The following ACTL6B variants were observed in gnomAD, a reference collection of about 807,000 sequenced individuals.
ACTL6B encodes the protein actin like 6B.
A neutral mutation model predicts 63.3 loss-of-function variants in ACTL6B; 48 were observed. The ratio of observed to expected loss-of-function variants is 0.76; its 90% confidence interval spans 0.60 to 0.96. The LOEUF is 0.96. ACTL6B is among the 50% of genes least tolerant of loss of function. The probability of loss-of-function intolerance (pLI) is 0.00; values close to 1 mark genes in which losing one functional copy is unlikely to be tolerated. For missense variants in ACTL6B, 350 were observed against 572.2 expected, an observed-to-expected ratio of 0.61 and a Z score of 3.96; for synonymous variants, 230 against 223.8, an observed-to-expected ratio of 1.03 and a Z score of -0.25.
intron 4 of ACTL6B, among the ~76,000 whole-genome samples, chr7:100,654,431 C>CAATAATAAT (rs1562850776): frequency 1.1e-4 from 11 of 103,348 alleles, no homozygotes; most frequent in African/African-American, 2.8e-4. Context: ...CCAAAGTTGA[C>CAATAATAAT]CATAATAATA....
intron 13 of ACTL6B, among the ~76,000 whole-genome samples, chr7:100,644,518 G>A (rs897592639): frequency 6.6e-6 from 1 of 152,146 alleles, no homozygotes; most frequent in East Asian, 1.9e-4. Flanking sequence ...CAGTGGCACA[G>A]CTCACTGCAG....
In ACTL6B at chr7:100,647,965, T is replaced by TC. The variant is rs1219819275; in HGVS notation, c.670-433_670-432insG. On this transcript the variant is annotated intron_variant, in intron 7 of 13. Transcript: ENST00000160382. The surrounding 1 kb of genome is among the most constrained non-coding windows in gnomAD (Gnocchi z 4.4). Reference sequence around the variant, plus strand: ...ATGCTGTTGGTCACACAGCTCTTTTTTTTTTTTTTTTTCAGATGGAGTCTC... The same window carrying TC: ...ATGCTGTTGGTCACACAGCTCTTTTTCTTTTTTTTTTTTCAGATGGAGTCTC... 2.7e-5 allele frequency among the ~76,000 whole-genome samples: 4 copies of TC among 150,084 alleles called. No individual in the cohort carries two copies. In the East Asian group the frequency reaches 7.7e-4, roughly 29 times the overall value.
chr7:100,647,873 C>T lies in ACTL6B; in HGVS notation c.670-340G>A, dbSNP rs1803853576. On this transcript the variant is annotated intron_variant, in intron 7 of 13. Coordinates refer to ENST00000160382, the MANE Select transcript of ACTL6B (RefSeq NM_016188.5). This position sits in a 1 kb window ranked among gnomAD's most constrained non-coding sequence, Gnocchi z 4.4. ...AGTGTCACTTCATACTCACAGCACC[C>T]TGGCTACTGCCTACTGCCGTTCCAC... 7.3e-6 allele frequency: 2 copies of T among 272,812 alleles called. No homozygotes were observed. The highest frequency in any genetic ancestry group is 6.8e-5 in the East Asian group (1 of 14,652). 16.9% of individuals were successfully genotyped at this position (272,812 alleles called of 1,614,324 possible).
rs1274295171 is a variant in ACTL6B at position 100,655,246 on chromosome 7, C to A, written c.269-127G>T. 8.5e-7 allele frequency: 1 copy of A among 1,182,612 alleles called. No homozygotes were observed. The highest frequency in any genetic ancestry group is 1.2e-6 in the Non-Finnish European group (1 of 825,660). 73.3% of individuals were successfully genotyped at this position (1,182,612 alleles called of 1,614,324 possible). A position where few individuals can be genotyped will look rare whatever the true frequency, so the allele number is the denominator to read the frequency against. ...GAGTCCAGCTCCAGGGGAACGCCCC[C>A]CTTCCCAGAAACCTGGTGGGCCCCT... On this transcript the variant is annotated intron_variant, in intron 3 of 13. Coordinates refer to ENST00000160382, the MANE Select transcript of ACTL6B (RefSeq NM_016188.5). The surrounding 1 kb of genome is among the most constrained non-coding windows in gnomAD (Gnocchi z 4.4).
At position 100,648,212 on chromosome 7, in the gene ACTL6B, C is replaced by A. The variant is rs188209789; in HGVS notation, c.669+344G>T. Reference sequence around the variant, plus strand: ...GCTCAAAGCGATCTGCCTGCCTCAGCCTCCCGAAGTGCTGGGATTACAGGT... The same window carrying A: ...GCTCAAAGCGATCTGCCTGCCTCAGACTCCCGAAGTGCTGGGATTACAGGT... On this transcript the variant is annotated intron_variant, in intron 7 of 13. Coordinates refer to ENST00000160382, the MANE Select transcript of ACTL6B (RefSeq NM_016188.5). This position sits in a 1 kb window ranked among gnomAD's most constrained non-coding sequence, Gnocchi z 4.4. 136 of 179,822 alleles carry A rather than the reference C, an allele frequency of 7.6e-4. No homozygotes were observed. The highest frequency in any genetic ancestry group is 3.0e-3 in the African/African-American group (126 of 42,334). The allele number at this position is 179,822 out of a possible 1,614,324, so 11.1% of individuals were successfully genotyped here.
Position 100,647,178 on chromosome 7 carries a change from C to T in ACTL6B, c.821+45G>A, listed in dbSNP as rs182364275. On this transcript the variant is annotated intron_variant, in intron 9 of 13. Transcript: ENST00000160382. The surrounding 1 kb of genome is among the most constrained non-coding windows in gnomAD (Gnocchi z 4.4). Reference sequence around the variant, plus strand: ...GCCCCCCAGCCCACCCCAAGAGTGCCGGTTCTGCCCTCTCTCCCACCCCAA... The same window carrying T: ...GCCCCCCAGCCCACCCCAAGAGTGCTGGTTCTGCCCTCTCTCCCACCCCAA... The T allele has an allele frequency of 8.3e-4, 1,320 of 1,586,290 alleles. 13 individuals are homozygous for T. In the African/African-American group the frequency reaches 0.015, roughly 18 times the overall value.
Position 100,647,103 on chromosome 7 carries a change from G to T in ACTL6B, c.822-18C>A, listed in dbSNP as rs762076589. ...CAGCCACCCTACCCAGAAGGGAGCA[G>T]GACTCTGCCTGGGGTGCTCAAGAAG... On this transcript the variant is annotated intron_variant, in intron 9 of 13. Coordinates refer to ENST00000160382, the MANE Select transcript of ACTL6B (RefSeq NM_016188.5). The surrounding 1 kb of genome is among the most constrained non-coding windows in gnomAD (Gnocchi z 4.4). 6.2e-7 allele frequency: 1 copy of T among 1,613,432 alleles called. No homozygotes were observed.
At chr7:100,643,662 T>TAC (rs1011683056) in intron 13 of ACTL6B, among the ~76,000 whole-genome samples, 1 of 151,944 alleles carries the variant, frequency 6.6e-6, no homozygotes, top group Non-Finnish European at 1.5e-5. Flanking sequence ...CAACACCCCC[T>TAC]ACACACACAC....
Position 100,655,798 on chromosome 7 carries a change from C to A in ACTL6B, c.102+5G>T. On this transcript the variant is annotated splice_donor_5th_base_variant and intron_variant, in intron 2 of 13. Coordinates refer to ENST00000160382, the MANE Select transcript of ACTL6B (RefSeq NM_016188.5). The surrounding 1 kb of genome is among the most constrained non-coding windows in gnomAD (Gnocchi z 4.4). ...AGGATTTGGAGAGGAGACTGGAAGGCTCACCTTGGGACAGTCCTCCCCAGC... is the reference window on the plus strand; with the variant it reads ...AGGATTTGGAGAGGAGACTGGAAGGATCACCTTGGGACAGTCCTCCCCAGC... 6.4e-7 allele frequency: 1 copy of A among 1,564,488 alleles called. No homozygotes were observed. Among genetic ancestry groups the A allele is most frequent in the Non-Finnish European group, 8.7e-7 (1 of 1,154,026 alleles).
chr7:100,651,209 A>G (rs1446779862), intron 4 of ACTL6B, among the ~76,000 whole-genome samples: 1 of 7,204 alleles, frequency 1.4e-4, no homozygotes, highest in Non-Finnish European at 2.2e-4. Context: ...TCAAGGTGAG[A>G]CACACAAAAG....
At chr7:100,651,522 C>T (rs1425594578) in intron 4 of ACTL6B, among the ~76,000 whole-genome samples, 3 of 151,336 alleles carry the variant, frequency 2.0e-5, no homozygotes, top group Non-Finnish European at 2.9e-5. Flanking sequence ...TGCACTCCAG[C>T]CTGGGGGACA....
chr7:100,647,984 G>C lies in ACTL6B; in HGVS notation c.670-451C>G, dbSNP rs1803856953. Reference sequence around the variant, plus strand: ...TCTTTTTTTTTTTTTTTTTCAGATGGAGTCTCACTCGGTCGCCCAGGCTGG... The same window carrying C: ...TCTTTTTTTTTTTTTTTTTCAGATGCAGTCTCACTCGGTCGCCCAGGCTGG... On this transcript the variant is annotated intron_variant, in intron 7 of 13. Transcript: ENST00000160382. This position sits in a 1 kb window ranked among gnomAD's most constrained non-coding sequence, Gnocchi z 4.4. Among the ~76,000 whole-genome samples, 1 of 148,574 alleles carries C rather than the reference G, an allele frequency of 6.7e-6. No homozygotes were observed. Among genetic ancestry groups the C allele is most frequent in the Non-Finnish European group, 1.5e-5 (1 of 67,310 alleles).
In ACTL6B at chr7:100,648,314, C is replaced by T; in HGVS notation, c.669+242G>A. On this transcript the variant is annotated intron_variant, in intron 7 of 13. Coordinates refer to ENST00000160382, the MANE Select transcript of ACTL6B (RefSeq NM_016188.5). This position sits in a 1 kb window ranked among gnomAD's most constrained non-coding sequence, Gnocchi z 4.4. Reference sequence around the variant, plus strand: ...ACTTGAACCTGGGTCTATATTGGACCCTAGAACCCACCACACTGGCCCTCA... The same window carrying T: ...ACTTGAACCTGGGTCTATATTGGACTCTAGAACCCACCACACTGGCCCTCA... 2.3e-6 allele frequency: 1 copy of T among 437,204 alleles called. No homozygotes were observed. The highest frequency in any genetic ancestry group is 4.1e-6 in the Non-Finnish European group (1 of 242,132). 27.1% of individuals were successfully genotyped at this position (437,204 alleles called of 1,614,324 possible).
At chr7:100,645,502 C>T (rs892195839) in intron 13 of ACTL6B, among the ~76,000 whole-genome samples, 1 of 152,114 alleles carries the variant, frequency 6.6e-6, no homozygotes, top group Non-Finnish European at 1.5e-5. Flanking sequence ...GCAGTCTTTC[C>T]AATCATGCCT....
intron 5 of ACTL6B, among the ~76,000 whole-genome samples, chr7:100,649,312 T>A (rs1203871682): frequency 6.6e-6 from 1 of 150,676 alleles, no homozygotes; most frequent in Non-Finnish European, 1.5e-5. Context: ...CTTCTTTAGT[T>A]ATTTTTTTTT....
Position 100,655,791 on chromosome 7 carries a change from T to G in ACTL6B, c.102+12A>C, listed in dbSNP as rs767984675. ...AGCCCCTAGGATTTGGAGAGGAGAC[T>G]GGAAGGCTCACCTTGGGACAGTCCT... On this transcript the variant is annotated intron_variant, in intron 2 of 13. Transcript: ENST00000160382. The surrounding 1 kb of genome is among the most constrained non-coding windows in gnomAD (Gnocchi z 4.4). The G allele has an allele frequency of 2.6e-6, 4 of 1,562,236 alleles. No individual in the cohort carries two copies. Among genetic ancestry groups the G allele is most frequent in the Admixed American group, 3.8e-5 (2 of 52,502 alleles).
chr7:100,653,811 A>G (rs1043015652), intron 4 of ACTL6B, among the ~76,000 whole-genome samples: 4 of 152,188 alleles, frequency 2.6e-5, no homozygotes, highest in African/African-American at 9.7e-5. Context: ...AAATTCAGCG[A>G]TAATACCTAA....
chr7:100,650,018 CA>C lies in ACTL6B; in HGVS notation c.467+19del. The C allele has an allele frequency of 1.2e-6, 2 of 1,610,346 alleles. No individual in the cohort carries two copies. Among genetic ancestry groups the C allele is most frequent in the Non-Finnish European group, 1.7e-6 (2 of 1,177,328 alleles). On this transcript the variant is annotated intron_variant, in intron 5 of 13. Transcript: ENST00000160382. ...ACCCCAGCCCTCCACCCAGTCAGAG[CA>C]GCTCAGTCCAGAGGATACGCGGTGA...
intron 4 of ACTL6B, among the ~76,000 whole-genome samples, chr7:100,653,341 T>C (rs544332014): frequency 2.0e-5 from 3 of 152,266 alleles, no homozygotes; most frequent in South Asian, 2.1e-4. Flanking sequence ...TGAATACTGA[T>C]TTCTTTTAAA....
Sources: allele counts gnomAD v4.1 joint callset (sites outside exome capture counted in the v4.1 genomes callset), GRCh38; gene constraint gnomAD v4.1.1; non-coding constraint Gnocchi (gnomAD v3.1); transcripts MANE v1.5; gene names NCBI Gene and HGNC (gene_info 2026-07-23, HGNC 2026-07-21).